KLRG2: variants seen among roughly 807,000 people sequenced by gnomAD.
The protein encoded by KLRG2 is killer cell lectin-like receptor subfamily G member 2.
In KLRG2, 39 loss-of-function variants were observed where a neutral mutation model predicts 35.4. The observed-to-expected ratio is 1.10, with a 90% confidence interval of 0.85 to 1.44. The LOEUF (loss-of-function observed/expected upper bound fraction) is 1.44, where lower values mean the gene tolerates loss of function less well. Among genes scored for constraint, KLRG2 ranks in the 40% most tolerant of loss-of-function variants. The pLI is 0.00. For missense variants in KLRG2, 632 were observed against 570.9 expected, an observed-to-expected ratio of 1.11 and a Z score of -1.09; for synonymous variants, 283 against 265.8, an observed-to-expected ratio of 1.06 and a Z score of -0.63.
At chr7:139,432,620 G>T in the KLRG2 span, among the ~76,000 whole-genome samples, 1 of 149,914 alleles carries the variant, frequency 6.7e-6, no homozygotes, top group Non-Finnish European at 1.5e-5. Flanking sequence ...TGTGATCTCG[G>T]TTCAGTGCAG....
At position 139,482,936 on chromosome 7, in the gene KLRG2, C is replaced by CG; in HGVS notation, c.706dup (p.Arg236ProfsTer138). The CG allele has an allele frequency of 6.7e-7, 1 of 1,493,594 alleles. No homozygotes were observed. Among genetic ancestry groups the CG allele is most frequent in the Admixed American group, 2.3e-5 (1 of 44,046 alleles). The allele number at this position is 1,493,594 out of a possible 1,614,324, so 92.5% of individuals were successfully genotyped here. On this transcript the variant is annotated frameshift_variant, in exon 1 of 5. Coordinates refer to ENST00000340940, the MANE Select transcript of KLRG2 (RefSeq NM_198508.4). LOFTEE classifies it high-confidence loss of function. ...CTTCTCGTCGCCGTCCAACCCCGCG[C>CG]GGGGCAACAGCGCCGCATCCTCCTT... is the stretch of plus-strand genomic sequence containing the variant.
intron 3 of KLRG2, among the ~76,000 whole-genome samples, chr7:139,465,171 G>A: frequency 6.6e-6 from 1 of 152,158 alleles, no homozygotes; most frequent in Admixed American, 6.5e-5. Flanking sequence ...CTACCACTCT[G>A]CCCCCGTCCA....
Position 139,483,124 on chromosome 7 carries a change from C to A in KLRG2, c.519G>T (p.Leu173=), listed in dbSNP as rs186297177. 8.7e-4 allele frequency: 1,282 copies of A among 1,481,836 alleles called. 11 individuals carry two copies. In the African/African-American group the frequency reaches 0.017, roughly 20 times the overall value. The allele number at this position is 1,481,836 out of a possible 1,614,324, so 91.8% of individuals were successfully genotyped here. ...ACGTGCCGCCCTGGGATGGTGCGCG[C>A]AGCAGGAGCTGGTGCGCCGGGTCCG... The part of the protein sequence containing the change: ...RHADPAHQLL[L]RAPSQGGTWG... Residue 173 remains leucine, a synonymous_variant, in exon 1 of 5, where the codon CTG becomes CTT. Transcript: ENST00000340940.
chr7:139,470,532 C>T (rs1796737798), intron 3 of KLRG2, among the ~76,000 whole-genome samples: 1 of 152,160 alleles, frequency 6.6e-6, no homozygotes. Flanking sequence ...TGGCTCATGC[C>T]TACAATCCCA....
chr7:139,438,253 G>C, the KLRG2 span, among the ~76,000 whole-genome samples: 90 of 152,292 alleles, frequency 5.9e-4, no homozygotes, highest in African/African-American at 2.0e-3. Flanking sequence ...TTTTGAGATG[G>C]AGGTGTCTCA....
the KLRG2 span, among the ~76,000 whole-genome samples, chr7:139,445,797 G>GTGTATATATATATATA: frequency 2.0e-5 from 2 of 99,022 alleles, no homozygotes; most frequent in South Asian, 2.7e-4. Context: ...ATATATGTGT[G>GTGTATATATATATATA]TATATATATA....
At chr7:139,465,829 C>A (rs967244411) in intron 3 of KLRG2, among the ~76,000 whole-genome samples, 1 of 152,104 alleles carries the variant, frequency 6.6e-6, no homozygotes, top group Non-Finnish European at 1.5e-5. Context: ...ACCTAGCATT[C>A]CAACTTCTAT....
intron 1 of KLRG2, 93 bp from the exon 2 acceptor site, chr7:139,480,340 C>A: frequency 2.8e-6 from 2 of 709,724 alleles, no homozygotes; most frequent in South Asian, 3.1e-5. Flanking sequence ...AGCATCTCAC[C>A]CACCTCACCC....
In KLRG2 at chr7:139,455,616, C is replaced by T. The variant is rs141049566; in HGVS notation, c.1006-1402G>A. Among the ~76,000 whole-genome samples, 915 of 152,250 alleles carry T rather than the reference C, an allele frequency of 6.0e-3. 12 individuals are homozygous for T. Among genetic ancestry groups the T allele is most frequent in the African/African-American group, 0.021 (868 of 41,550 alleles). Reference sequence around the variant, plus strand: ...GATTACAGGCGTGAGCCACCGCGCCCGGCCAAGATTTTTTAACTTGGAAAA... The same window carrying T: ...GATTACAGGCGTGAGCCACCGCGCCTGGCCAAGATTTTTTAACTTGGAAAA... On this transcript the variant is annotated intron_variant, in intron 3 of 4. Transcript: ENST00000340940.
the KLRG2 span, among the ~76,000 whole-genome samples, chr7:139,427,951 C>A: frequency 1.3e-5 from 2 of 152,152 alleles, no homozygotes; most frequent in African/African-American, 4.8e-5. Flanking sequence ...GAAGCTGAGG[C>A]ATGCTGAGTG....
the KLRG2 span, among the ~76,000 whole-genome samples, chr7:139,445,140 GTGCAATCTCAGCTCAC>G: frequency 1.5e-3 from 233 of 151,636 alleles, 4 homozygotes; most frequent in African/African-American, 5.4e-3. Flanking sequence ...GAGTGCAGTG[GTGCAATCTCAGCTCAC>G]TGCAATCTCT....
chr7:139,472,944 T>G (rs112479165), intron 3 of KLRG2, among the ~76,000 whole-genome samples: 2,007 of 152,304 alleles, frequency 0.013, 53 homozygotes, highest in African/African-American at 0.046. Context: ...ACAGAGGCTT[T>G]TAGAATCCAG....
At chr7:139,441,960 C>T in the KLRG2 span, among the ~76,000 whole-genome samples, 1 of 152,140 alleles carries the variant, frequency 6.6e-6, no homozygotes, top group Admixed American at 6.6e-5. Flanking sequence ...AAATCCACAC[C>T]TTGGCACTAA....
At chr7:139,447,437 G>A in the KLRG2 span, among the ~76,000 whole-genome samples, 1 of 142,500 alleles carries the variant, frequency 7.0e-6, no homozygotes, top group African/African-American at 2.7e-5. Flanking sequence ...GTCTCGCTCT[G>A]TCACCCAGGC....
chr7:139,478,277 G>C (rs1047836611), intron 3 of KLRG2, among the ~76,000 whole-genome samples: 3 of 150,962 alleles, frequency 2.0e-5, no homozygotes, highest in African/African-American at 7.3e-5. Context: ...GAGGTGGGAG[G>C]ATTGCTTGAG....
At position 139,483,110 on chromosome 7, in the gene KLRG2, T is replaced by C. The variant is rs1463385692; in HGVS notation, c.533A>G (p.Gln178Arg). ...CGAGCGGCGGCCCCACGTGCCGCCC[T>C]GGGATGGTGCGCGCAGCAGGAGCTG... ...AHQLLLRAPS[Q>R]GGTWGRRSPL... The change falls in exon 1 of 5, where the codon CAG (glutamine) becomes CGG (arginine). Residue 178 changes from glutamine (Q) to arginine (R), a missense_variant. Physicochemically the swap from Gln to Arg is conservative, Grantham distance 43 (BLOSUM62 1). Transcript: ENST00000340940. 5.4e-6 allele frequency: 8 copies of C among 1,471,786 alleles called. No homozygotes were observed. Among genetic ancestry groups the C allele is most frequent in the East Asian group, 5.9e-5 (2 of 33,852 alleles). The allele number at this position is 1,471,786 out of a possible 1,614,324, so 91.2% of individuals were successfully genotyped here.
At chr7:139,475,748 C>T (rs1414708198) in intron 3 of KLRG2, among the ~76,000 whole-genome samples, 2 of 151,960 alleles carry the variant, frequency 1.3e-5, no homozygotes, top group Non-Finnish European at 2.9e-5. Flanking sequence ...TTAATCAAAC[C>T]CAAAGAGGGA....
At position 139,483,478 on chromosome 7, in the gene KLRG2, C is replaced by G. The variant is rs377581283; in HGVS notation, c.165G>C (p.Glu55Asp). 1.5e-5 allele frequency: 24 copies of G among 1,592,674 alleles called. No individual in the cohort carries two copies. In the African/African-American group the frequency reaches 2.0e-4, roughly 14 times the overall value. The change falls in exon 1 of 5, where the codon GAG (glutamate) becomes GAC (aspartate). Residue 55 changes from glutamate (E) to aspartate (D), a missense_variant. By Grantham distance (45) the Glu-to-Asp change is conservative. Transcript: ENST00000340940. ...ESSPSPAGAVEKAAGAGLEPS... is the reference protein window; with the variant it reads ...ESSPSPAGAVDKAAGAGLEPS... Reference sequence around the variant, plus strand: ...GCTCCAGGCCTGCGCCCGCCGCCTTCTCCACGGCCCCGGCCGGACTTGGGC... The same window carrying G: ...GCTCCAGGCCTGCGCCCGCCGCCTTGTCCACGGCCCCGGCCGGACTTGGGC...
chr7:139,443,777 G>C, the KLRG2 span, among the ~76,000 whole-genome samples: 1 of 152,144 alleles, frequency 6.6e-6, no homozygotes, highest in African/African-American at 2.4e-5. Context: ...GGCCAGGCTG[G>C]TCTCAAACTC....
Sources: allele counts gnomAD v4.1 joint callset (sites outside exome capture counted in the v4.1 genomes callset), GRCh38; gene constraint gnomAD v4.1.1; transcripts MANE v1.5; gene names NCBI Gene and HGNC (gene_info 2026-07-23, HGNC 2026-07-21).